STYX: variants seen among roughly 807,000 people sequenced by gnomAD.
STYX encodes the protein serine/threonine/tyrosine interacting protein.
A neutral mutation model predicts 42.7 loss-of-function variants in STYX; 20 were observed. The observed-to-expected ratio is 0.47, with a 90% CI of 0.33 to 0.68. The LOEUF (loss-of-function observed/expected upper bound fraction) is 0.68. STYX is among the 30% of genes least tolerant of loss of function. The pLI is 0.02. For synonymous variants in STYX, 78 were observed against 81.9 expected, an observed-to-expected ratio of 0.95 and a Z score of 0.26; for missense variants, 226 against 268.5, an observed-to-expected ratio of 0.84 and a Z score of 1.11.
chr14:52,772,224 G>A lies in STYX; in HGVS notation c.*1118G>A, dbSNP rs1273799325. On this transcript the variant is annotated 3_prime_UTR_variant, in exon 11 of 11. Coordinates refer to ENST00000354586, the MANE Select transcript of STYX (RefSeq NM_145251.4). ...TAGTAAATTATTTGGAATATAGAAT[G>A]TTTACTCTTTCTTTTTATGTTGTCT... The A allele has an allele frequency of 6.6e-6, 1 of 152,064 alleles. No homozygotes were observed. Among genetic ancestry groups the A allele is most frequent in the Admixed American group, 6.5e-5 (1 of 15,280 alleles). 9.4% of individuals were successfully genotyped at this position (152,064 alleles called of 1,614,324 possible). A position where few individuals can be genotyped will look rare whatever the true frequency, so the allele number is the denominator to read the frequency against.
chr14:52,732,961 G>A (rs1880795510), intron 1 of STYX, among the ~76,000 whole-genome samples: 1 of 152,124 alleles, frequency 6.6e-6, no homozygotes, highest in South Asian at 2.1e-4. Flanking sequence ...TTGAGCCACC[G>A]CGAAGGAGTA....
chr14:52,765,515 C>A (rs1433453847), intron 9 of STYX, among the ~76,000 whole-genome samples: 4 of 152,172 alleles, frequency 2.6e-5, no homozygotes, highest in Non-Finnish European at 5.9e-5. Flanking sequence ...CCGTGCCTGG[C>A]CTAAATATTG....
intron 1 of STYX, among the ~76,000 whole-genome samples, chr14:52,738,065 T>C (rs375782564): frequency 6.6e-6 from 1 of 152,170 alleles, no homozygotes; most frequent in African/African-American, 2.4e-5. Flanking sequence ...CGTGAGCCAC[T>C]GTGCCCGGCC....
At chr14:52,734,280 GCCTTAGATT>G (rs1421055055) in intron 1 of STYX, among the ~76,000 whole-genome samples, 1 of 152,190 alleles carries the variant, frequency 6.6e-6, no homozygotes, top group African/African-American at 2.4e-5. Flanking sequence ...GGGTGAAACA[GCCTTAGATT>G]CCCTGCCTCC....
rs1275501593 is a variant in STYX at position 52,774,506 on chromosome 14, T to C, written c.*3400T>C. On this transcript the variant is annotated 3_prime_UTR_variant, in exon 11 of 11. Transcript: ENST00000354586. ...GTTCAACAGTGCTCCGATAAGGGAATGCTAGAAAATAGATGAGAAGTACTG... is the reference window on the plus strand; with the variant it reads ...GTTCAACAGTGCTCCGATAAGGGAACGCTAGAAAATAGATGAGAAGTACTG... 3 of 151,794 alleles carry C rather than the reference T, an allele frequency of 2.0e-5. No individual in the cohort carries two copies. The highest frequency in any genetic ancestry group is 7.3e-5 in the African/African-American group (3 of 41,250). 9.4% of individuals were successfully genotyped at this position (151,794 alleles called of 1,614,324 possible).
intron 1 of STYX, among the ~76,000 whole-genome samples, chr14:52,732,734 G>T (rs1294165675): frequency 6.6e-6 from 1 of 151,942 alleles, no homozygotes; most frequent in African/African-American, 2.4e-5. Flanking sequence ...GCAGTGGCGT[G>T]ATCTCCGCTC....
chr14:52,740,126 A>C (rs1594865822), intron 1 of STYX, among the ~76,000 whole-genome samples: 2 of 152,056 alleles, frequency 1.3e-5, no homozygotes, highest in African/African-American at 4.8e-5. Context: ...AAAATACAAA[A>C]ATTAGCCAGG....
intron 1 of STYX, among the ~76,000 whole-genome samples, chr14:52,735,539 C>T (rs943086226): frequency 1.3e-5 from 2 of 152,090 alleles, no homozygotes; most frequent in African/African-American, 4.8e-5. Flanking sequence ...CATAAATAAA[C>T]TATTAAATAG....
intron 4 of STYX, among the ~76,000 whole-genome samples, chr14:52,754,273 CATG>C (rs1002706292): frequency 2.6e-5 from 4 of 151,774 alleles, no homozygotes; most frequent in African/African-American, 9.7e-5. Flanking sequence ...ATTGCATTGG[CATG>C]ATTTCTGTTC....
At position 52,774,316 on chromosome 14, in the gene STYX, T is replaced by C. The variant is rs1010867484; in HGVS notation, c.*3210T>C. ...GTGAATTAGAAATATTTAACTGCAATCTTGAATTATAAAGTTGAGATATAT... is the reference window on the plus strand; with the variant it reads ...GTGAATTAGAAATATTTAACTGCAACCTTGAATTATAAAGTTGAGATATAT... On this transcript the variant is annotated 3_prime_UTR_variant, in exon 11 of 11. Transcript: ENST00000354586. The C allele has an allele frequency of 1.3e-5, 2 of 152,112 alleles. No individual in the cohort carries two copies. Among genetic ancestry groups the C allele is most frequent in the Non-Finnish European group, 2.9e-5 (2 of 68,008 alleles). 9.4% of individuals were successfully genotyped at this position (152,112 alleles called of 1,614,324 possible).
intron 1 of STYX, among the ~76,000 whole-genome samples, chr14:52,740,169 C>G (rs1360893156): frequency 6.6e-6 from 1 of 152,034 alleles, no homozygotes; most frequent in East Asian, 1.9e-4. Flanking sequence ...CCCAGCTACT[C>G]AGGAGGCTGA....
chr14:52,747,788 T>C (rs1347637897), intron 3 of STYX, among the ~76,000 whole-genome samples: 1 of 152,192 alleles, frequency 6.6e-6, no homozygotes, highest in African/African-American at 2.4e-5. Flanking sequence ...GGCCAGGAGT[T>C]CGAGACCAGC....
In STYX at chr14:52,730,228, G is replaced by A; in HGVS notation, c.-247G>A. 1 of 567,636 alleles carries A rather than the reference G, an allele frequency of 1.8e-6. No homozygotes were observed. Among genetic ancestry groups the A allele is most frequent in the Non-Finnish European group, 3.1e-6 (1 of 317,662 alleles). The allele number at this position is 567,636 out of a possible 1,614,324, so 35.2% of individuals were successfully genotyped here. A position where few individuals can be genotyped will look rare whatever the true frequency, so the allele number is the denominator to read the frequency against. ...CCTGAGGGGTACGGAGACTCTGGGG[G>A]AGGGAGACGGCAGCGGCATGGCGGC... On this transcript the variant is annotated 5_prime_UTR_variant, in exon 1 of 11. Coordinates refer to ENST00000354586, the MANE Select transcript of STYX (RefSeq NM_145251.4).
At chr14:52,751,856 A>G (rs1191810283) in intron 4 of STYX, among the ~76,000 whole-genome samples, 1 of 152,120 alleles carries the variant, frequency 6.6e-6, no homozygotes, top group Non-Finnish European at 1.5e-5. Context: ...TATCTATGTA[A>G]AAGTATATAT....
chr14:52,768,756 C>G, intron 9 of STYX, 84 bp from the exon 10 acceptor site: 1 of 884,378 alleles, frequency 1.1e-6, no homozygotes, highest in Non-Finnish European at 1.7e-6. Flanking sequence ...ATGAAGAATA[C>G]CAACAGTGTA....
intron 3 of STYX, among the ~76,000 whole-genome samples, chr14:52,749,779 G>C (rs1881538788): frequency 6.6e-6 from 1 of 152,190 alleles, no homozygotes; most frequent in Admixed American, 6.5e-5. Flanking sequence ...ACTACAGGTT[G>C]AGTATCCCTA....
At chr14:52,755,742 A>G (rs1319630059) in intron 4 of STYX, among the ~76,000 whole-genome samples, 1 of 125,990 alleles carries the variant, frequency 7.9e-6, no homozygotes, top group Non-Finnish European at 1.6e-5. Context: ...TGAATGTTTG[A>G]CTCCTGGTTC....
Position 52,759,768 on chromosome 14 carries a change from C to T in STYX, c.504+14C>T, listed in dbSNP as rs1380749274. 3 of 1,528,188 alleles carry T rather than the reference C, an allele frequency of 2.0e-6. No individual in the cohort carries two copies. Among genetic ancestry groups the T allele is most frequent in the Admixed American group, 3.5e-5 (2 of 56,996 alleles). 94.7% of individuals were successfully genotyped at this position (1,528,188 alleles called of 1,614,324 possible). On this transcript the variant is annotated intron_variant, in intron 9 of 10. Coordinates refer to ENST00000354586, the MANE Select transcript of STYX (RefSeq NM_145251.4). ...CATCAACTTCAGGTAACTTTTCTTC[C>T]TCTTTAAGGCAATCAGAAGTAAGAT... is the stretch of plus-strand genomic sequence containing the variant.
At chr14:52,761,689 C>A (rs1282792810) in intron 9 of STYX, among the ~76,000 whole-genome samples, 1 of 150,686 alleles carries the variant, frequency 6.6e-6, no homozygotes, top group Non-Finnish European at 1.5e-5. Context: ...CTGCCTCAGC[C>A]TCCCAAGTAG....
Sources: gnomAD v4.1 joint callset for allele counts (sites outside exome capture counted in the v4.1 genomes callset) on GRCh38, gnomAD v4.1.1 for gene constraint, MANE v1.5 for transcripts, NCBI Gene and HGNC (gene_info 2026-07-23, HGNC 2026-07-21) for gene names.